Variants in BBX observed in about 807,000 individuals in gnomAD.
The protein encoded by BBX is BBX high mobility group box domain containing.
Under a neutral mutation model 100.2 loss-of-function variants are expected in BBX, and 30 were observed. The observed-to-expected ratio is 0.30, with a 90% CI of 0.22 to 0.41. The LOEUF is 0.41. Among genes scored for constraint, BBX ranks in the 10% least tolerant of loss-of-function variants. The pLI is 1.00. For missense variants in BBX, 1,023 were observed against 1,129.8 expected (o/e 0.91, Z 1.35); for synonymous variants, 376 against 388.1 (o/e 0.97, Z 0.37).
chr3:107,633,644 G>C (rs774437956), intron 2 of BBX, among the ~76,000 whole-genome samples: 15 of 152,168 alleles, frequency 9.9e-5, no homozygotes, highest in Non-Finnish European at 2.1e-4. Context: ...TCAGTGCCCT[G>C]CACAAACATC....
chr3:107,758,495 CAG>C (rs2065654767), intron 10 of BBX, among the ~76,000 whole-genome samples: 1 of 152,134 alleles, frequency 6.6e-6, no homozygotes, highest in Non-Finnish European at 1.5e-5. Flanking sequence ...AGTCTCACAT[CAG>C]GGGAGAATAT....
chr3:107,691,256 A>G (rs1461027017), intron 3 of BBX, among the ~76,000 whole-genome samples: 9 of 152,104 alleles, frequency 5.9e-5, no homozygotes, highest in Admixed American at 5.9e-4. Flanking sequence ...TAATACACGA[A>G]TAGGAACTGT....
chr3:107,547,360 A>G (rs2107399827), intron 2 of BBX, among the ~76,000 whole-genome samples: 1 of 152,248 alleles, frequency 6.6e-6, no homozygotes, highest in Non-Finnish European at 1.5e-5. Flanking sequence ...ACTTCATCTT[A>G]TTTGTGTAAG....
chr3:107,803,264 A>G (rs913134194), intron 17 of BBX, among the ~76,000 whole-genome samples: 8 of 152,212 alleles, frequency 5.3e-5, no homozygotes, highest in African/African-American at 1.7e-4. Context: ...TTTACCATCA[A>G]CCTAATAAAT....
intron 3 of BBX, chr3:107,677,617 A>C (rs1222377028): frequency 1.3e-5 from 2 of 152,170 alleles, no homozygotes; most frequent in Non-Finnish European, 2.9e-5. Context: ...CTATTTTATG[A>C]TAGTGTTGCA....
intron 3 of BBX, among the ~76,000 whole-genome samples, chr3:107,668,911 C>G (rs1016097151): frequency 6.6e-6 from 1 of 152,080 alleles, no homozygotes; most frequent in Non-Finnish European, 1.5e-5. Context: ...CTGCGTTCTC[C>G]TTTTTCTTGA....
chr3:107,724,525 GT>G, intron 5 of BBX, among the ~76,000 whole-genome samples: 1 of 152,120 alleles, frequency 6.6e-6, no homozygotes, highest in Non-Finnish European at 1.5e-5. Flanking sequence ...TTCTTCTAGG[GT>G]TTTTATGGTT....
intron 15 of BBX, among the ~76,000 whole-genome samples, chr3:107,798,168 G>A (rs1049261521): frequency 6.6e-6 from 1 of 152,140 alleles, no homozygotes; most frequent in African/African-American, 2.4e-5. Flanking sequence ...TGGCCAAAAG[G>A]ATCTCTCAGA....
chr3:107,638,200 C>T (rs2056965912), intron 2 of BBX, among the ~76,000 whole-genome samples: 1 of 151,732 alleles, frequency 6.6e-6, no homozygotes, highest in South Asian at 2.1e-4. Flanking sequence ...TATAGGTGTA[C>T]ATCACTATGC....
chr3:107,786,650 T>C (rs2068459742), intron 13 of BBX, among the ~76,000 whole-genome samples: 1 of 152,158 alleles, frequency 6.6e-6, no homozygotes, highest in Admixed American at 6.6e-5. Flanking sequence ...TAACTTAGAA[T>C]AGATCAAAAA....
chr3:107,726,544 A>G (rs1053349454), intron 5 of BBX, among the ~76,000 whole-genome samples: 3 of 152,068 alleles, frequency 2.0e-5, no homozygotes, highest in African/African-American at 7.2e-5. Flanking sequence ...TGATACAGTT[A>G]CAGAGTGTTG....
At chr3:107,660,968 C>T (rs1270377711) in intron 3 of BBX, among the ~76,000 whole-genome samples, 1 of 152,122 alleles carries the variant, frequency 6.6e-6, no homozygotes, top group Non-Finnish European at 1.5e-5. Flanking sequence ...CATTGAAATG[C>T]AGAACATCAG....
intron 4 of BBX, among the ~76,000 whole-genome samples, chr3:107,714,049 C>G (rs1338646349): frequency 7.7e-6 from 1 of 130,252 alleles, no homozygotes; most frequent in Admixed American, 9.5e-5. Flanking sequence ...GATCTTGGCT[C>G]ACTGCAGCCT....
chr3:107,532,857 G>A (rs767938112), intron 2 of BBX, among the ~76,000 whole-genome samples: 15 of 152,084 alleles, frequency 9.9e-5, no homozygotes, highest in African/African-American at 2.2e-4. Context: ...TTTGCCATAC[G>A]TTTTTGATCT....
At chr3:107,610,603 T>G (rs559341248) in intron 2 of BBX, among the ~76,000 whole-genome samples, 79 of 152,136 alleles carry the variant, frequency 5.2e-4, no homozygotes, top group Non-Finnish European at 1.0e-3. Flanking sequence ...AGTGATCTTC[T>G]TTGTCTCTTC....
intron 3 of BBX, among the ~76,000 whole-genome samples, chr3:107,675,036 G>A (rs1229415543): frequency 6.6e-6 from 1 of 152,132 alleles, no homozygotes. Flanking sequence ...CATTTATTAT[G>A]TCAGAATATG....
At chr3:107,691,912 CT>C (rs1242072714) in intron 3 of BBX, among the ~76,000 whole-genome samples, 1 of 152,056 alleles carries the variant, frequency 6.6e-6, no homozygotes, top group African/African-American at 2.4e-5. Context: ...AATACGTATT[CT>C]TTTTTTGCTT....
At chr3:107,586,030 A>T (rs1021368355) in intron 2 of BBX, among the ~76,000 whole-genome samples, 2 of 152,172 alleles carry the variant, frequency 1.3e-5, no homozygotes, top group Admixed American at 6.5e-5. Context: ...ATGTTCTTTC[A>T]TATAACTGTA....
At position 107,801,271 on chromosome 3, in the gene BBX, A is replaced by C. The variant is rs2070434805; in HGVS notation, c.2728A>C (p.Asn910His). 1 of 1,613,878 alleles carries C rather than the reference A, an allele frequency of 6.2e-7. No homozygotes were observed. Among genetic ancestry groups the C allele is most frequent in the African/African-American group, 1.3e-5 (1 of 74,914 alleles). The change falls in exon 17 of 18, where the codon AAT (asparagine) becomes CAT (histidine). Residue 910 changes from asparagine (N) to histidine (H), a missense_variant. Physicochemically the swap from Asn to His is moderately conservative, Grantham distance 68 (BLOSUM62 1). This residue lies in a region of BBX where 104 missense variants were observed against 132.2 expected (regional missense o/e 0.79). Transcript: ENST00000325805. ...AALAEVAAME[N>H]VHRGQRSTPL... ...GCTGGCTGAAGTGGCAGCCATGGAA[A>C]ATGTGCACAGGTTAGTGGTAGAAGG... is the stretch of plus-strand genomic sequence containing the variant.
Sources: gnomAD v4.1 joint callset for allele counts (sites outside exome capture counted in the v4.1 genomes callset) on GRCh38, gnomAD v4.1.1 for gene constraint, gnomAD v4.1.1 regional missense constraint, MANE v1.5 for transcripts, NCBI Gene and HGNC (gene_info 2026-07-23, HGNC 2026-07-21) for gene names.